The following SH3PXD2A variants were observed in gnomAD, a reference collection of about 807,000 sequenced individuals.
SH3PXD2A encodes the protein SH3 and PX domain-containing protein 2A.
Under a neutral mutation model 115.2 loss-of-function variants are expected in SH3PXD2A, and 32 were observed. That is an observed-to-expected ratio of 0.28 (90% confidence interval 0.21 to 0.37). SH3PXD2A has a LOEUF of 0.37. Ranked by LOEUF, SH3PXD2A falls within the 10% of genes least tolerant of loss-of-function variation. The pLI is 1.00. For synonymous variants in SH3PXD2A, 610 were observed against 629.1 expected, an observed-to-expected ratio of 0.97 and a Z score of 0.45; for missense variants, 1,328 against 1,498.7, an observed-to-expected ratio of 0.89 and a Z score of 1.88.
At chr10:103,749,390 AGGCTGAACTCAAAG>A (rs2038547556) in intron 3 of SH3PXD2A, among the ~76,000 whole-genome samples, 1 of 152,226 alleles carries the variant, frequency 6.6e-6, no homozygotes, top group Non-Finnish European at 1.5e-5. Flanking sequence ...CTCAGTGACC[AGGCTGAACTCAAAG>A]GGCACCCGAC....
intron 2 of SH3PXD2A, among the ~76,000 whole-genome samples, chr10:103,800,598 C>T (rs1252113070): frequency 1.3e-5 from 2 of 152,208 alleles, no homozygotes; most frequent in Non-Finnish European, 2.9e-5. Flanking sequence ...GTCCCTCCTT[C>T]CAATCACATC....
intron 5 of SH3PXD2A, among the ~76,000 whole-genome samples, chr10:103,716,182 A>G (rs1053145875): frequency 1.2e-4 from 19 of 152,066 alleles, no homozygotes; most frequent in Non-Finnish European, 2.6e-4. Flanking sequence ...CACCTTAACC[A>G]GCCCGGCCCA....
At chr10:103,698,543 T>A (rs1001392934) in intron 5 of SH3PXD2A, among the ~76,000 whole-genome samples, 2 of 152,184 alleles carry the variant, frequency 1.3e-5, no homozygotes, top group African/African-American at 2.4e-5. Context: ...CAGCAGTCAC[T>A]GGGGACATGG....
chr10:103,626,761 T>A (rs1409280229), intron 9 of SH3PXD2A, among the ~76,000 whole-genome samples: 12 of 123,816 alleles, frequency 9.7e-5, no homozygotes, highest in African/African-American at 3.0e-4. Context: ...AGCCTGTCTC[T>A]AGAAAAAAAT....
At chr10:103,791,755 C>T (rs1256449760) in intron 2 of SH3PXD2A, among the ~76,000 whole-genome samples, 1 of 152,018 alleles carries the variant, frequency 6.6e-6, no homozygotes, top group Non-Finnish European at 1.5e-5. Context: ...CCTAAACCCA[C>T]AAGGTTGGGA....
intron 1 of SH3PXD2A, among the ~76,000 whole-genome samples, chr10:103,838,722 A>G (rs922601407): frequency 6.6e-6 from 1 of 152,188 alleles, no homozygotes; most frequent in Non-Finnish European, 1.5e-5. Context: ...CTCGGTCCTA[A>G]GTGGGGGATC....
chr10:103,676,970 A>G (rs975644900), intron 6 of SH3PXD2A, among the ~76,000 whole-genome samples: 1 of 152,082 alleles, frequency 6.6e-6, no homozygotes, highest in Non-Finnish European at 1.5e-5. Flanking sequence ...GCGTTCACAC[A>G]GAGAAGGAGC....
rs201296459 is a variant in SH3PXD2A at position 103,611,597 on chromosome 10, C to T, written c.1292G>A (p.Arg431His). Residue 431 changes from arginine to histidine, a missense_variant, in exon 13 of 15, where the codon CGC becomes CAC. Transcript: ENST00000369774. ...SPNLRTRPPPRRESSLGFQLP... is the reference protein window; with the variant it reads ...SPNLRTRPPPHRESSLGFQLP... ...TACACATACCAGGCTGGATTCTCTG[C>T]GTGGTGGAGGTCTTGTCCGTAGGTT... 41 of 1,613,940 alleles carry T rather than the reference C, an allele frequency of 2.5e-5. No individual in the cohort carries two copies. Among genetic ancestry groups the T allele is most frequent in the Non-Finnish European group, 3.1e-5 (37 of 1,179,932 alleles).
intron 2 of SH3PXD2A, among the ~76,000 whole-genome samples, chr10:103,772,569 AGTGT>A (rs909664713): frequency 4.6e-5 from 7 of 152,206 alleles, no homozygotes; most frequent in African/African-American, 1.7e-4. Context: ...AGAACCTCGC[AGTGT>A]GTGGAGGCGG....
At chr10:103,621,681 T>G (rs1439447910) in intron 10 of SH3PXD2A, among the ~76,000 whole-genome samples, 1 of 152,182 alleles carries the variant, frequency 6.6e-6, no homozygotes, top group Non-Finnish European at 1.5e-5. Flanking sequence ...ACTGCAGATG[T>G]TTAAGGGTTT....
chr10:103,772,393 C>T (rs558840140), intron 2 of SH3PXD2A, among the ~76,000 whole-genome samples: 18 of 152,238 alleles, frequency 1.2e-4, no homozygotes, highest in Non-Finnish European at 2.1e-4. Context: ...GCAGGAAGGC[C>T]CCGCCCAGCA....
intron 13 of SH3PXD2A, chr10:103,609,720 CT>C (rs34548947): frequency 6.6e-6 from 1 of 152,166 alleles, no homozygotes; most frequent in Non-Finnish European, 1.5e-5. Flanking sequence ...CTAAAATGGA[CT>C]TTGTACCCCG....
chr10:103,819,235 T>C (rs766260198), intron 1 of SH3PXD2A, among the ~76,000 whole-genome samples: 34 of 152,204 alleles, frequency 2.2e-4, no homozygotes, highest in Admixed American at 9.2e-4. Context: ...AGGGACAATG[T>C]GCTGTAAGGC....
chr10:103,803,262 A>T (rs1006724721), intron 1 of SH3PXD2A, among the ~76,000 whole-genome samples: 2 of 152,204 alleles, frequency 1.3e-5, no homozygotes, highest in Non-Finnish European at 2.9e-5. Flanking sequence ...CTGATACAGA[A>T]CATAAGGTAA....
chr10:103,595,134 T>C lies in SH3PXD2A; in HGVS notation c.*6682A>G, dbSNP rs1339156734. On this transcript the variant is annotated 3_prime_UTR_variant, in exon 15 of 15. Transcript: ENST00000369774. ...CAAAGATTGGTTTGTGGCTGGTGAC[T>C]TCTCTCTGCTAAGTAAATCAATGAC... 6.6e-6 allele frequency: 1 copy of C among 152,208 alleles called. No homozygotes were observed. The highest frequency in any genetic ancestry group is 2.4e-5 in the African/African-American group (1 of 41,444). 9.4% of individuals were successfully genotyped at this position (152,208 alleles called of 1,614,324 possible). A position where few individuals can be genotyped will look rare whatever the true frequency, so the allele number is the denominator to read the frequency against.
intron 6 of SH3PXD2A, among the ~76,000 whole-genome samples, chr10:103,688,914 T>C (rs756213369): frequency 1.7e-4 from 26 of 152,186 alleles, no homozygotes; most frequent in Non-Finnish European, 2.1e-4. Flanking sequence ...TTGCCCAGGC[T>C]GTAGTGCAGT....
At chr10:103,696,330 C>T (rs2037823759) in intron 5 of SH3PXD2A, among the ~76,000 whole-genome samples, 1 of 152,162 alleles carries the variant, frequency 6.6e-6, no homozygotes, top group Non-Finnish European at 1.5e-5. Flanking sequence ...GTTTAGGTAT[C>T]CAGTGGCTGG....
At chr10:103,775,289 T>C (rs11191803) in intron 2 of SH3PXD2A, among the ~76,000 whole-genome samples, 23,219 of 152,142 alleles carry the variant, frequency 0.15, 2,006 homozygotes, top group East Asian at 0.29. Context: ...AACCAGGCCT[T>C]TACCACATCA....
At chr10:103,742,596 A>G (rs1030626335) in intron 3 of SH3PXD2A, among the ~76,000 whole-genome samples, 1 of 152,240 alleles carries the variant, frequency 6.6e-6, no homozygotes, top group Non-Finnish European at 1.5e-5. Flanking sequence ...AGGGCATACC[A>G]GTCACCTGAC....
Sources: gnomAD v4.1 joint callset for allele counts (sites outside exome capture counted in the v4.1 genomes callset) on GRCh38, gnomAD v4.1.1 for gene constraint, MANE v1.5 for transcripts, NCBI Gene and HGNC (gene_info 2026-07-23, HGNC 2026-07-21) for gene names.